Variants in ANXA3 observed in about 807,000 individuals in gnomAD.
ANXA3 encodes annexin A3, also known as 35-alpha calcimedin.
Under a neutral mutation model 48.8 loss-of-function variants are expected in ANXA3, and 46 were observed. The ratio of observed to expected loss-of-function variants is 0.94; its 90% CI spans 0.74 to 1.21. ANXA3 has a LOEUF of 1.21. Ranked by LOEUF, ANXA3 falls within the 50% of genes most tolerant of loss-of-function variation. The pLI is 0.00. For synonymous variants in ANXA3, 128 were observed against 134.7 expected, an observed-to-expected ratio of 0.95 and a Z score of 0.35; for missense variants, 383 against 378.6, an observed-to-expected ratio of 1.01 and a Z score of -0.10.
At chr4:78,597,549 T>A in intron 10 of ANXA3, 135 bp downstream of exon 10, 1 of 588,724 alleles carries the variant, frequency 1.7e-6, no homozygotes, top group Non-Finnish European at 3.0e-6. Context: ...TGGTCCAGGA[T>A]ACACACAGTA....
At chr4:78,598,373 A>T (rs1206811599) in intron 10 of ANXA3, among the ~76,000 whole-genome samples, 1 of 149,818 alleles carries the variant, frequency 6.7e-6, no homozygotes, top group East Asian at 2.0e-4. Flanking sequence ...CTCATTGTTG[A>T]CTCTGAATTG....
At chr4:78,601,806 A>G (rs2109949281) in intron 11 of ANXA3, 1 of 378,814 alleles carries the variant, frequency 2.6e-6, no homozygotes, top group East Asian at 4.2e-5. Flanking sequence ...AAGTAGGTAT[A>G]ATTTGATTTC....
chr4:78,554,113 A>T (rs1722458905), intron 1 of ANXA3: 1 of 193,300 alleles, frequency 5.2e-6, no homozygotes. Context: ...GTCAGTAATC[A>T]GCAGAGTTCT....
chr4:78,589,922 A>G lies in ANXA3; in HGVS notation c.404-1622A>G, dbSNP rs114643484. 7.1e-3 allele frequency among the ~76,000 whole-genome samples: 1,084 copies of G among 152,338 alleles called. 16 individuals carry two copies. The highest frequency in any genetic ancestry group is 0.025 in the African/African-American group (1,037 of 41,586). ...TGTGTGAGAGAGAGAACACTGAAACAGGGATCAGGGACTCAAAGTTCTAGT... is the reference window on the plus strand; with the variant it reads ...TGTGTGAGAGAGAGAACACTGAAACGGGGATCAGGGACTCAAAGTTCTAGT... On this transcript the variant is annotated intron_variant, in intron 6 of 12. Coordinates refer to ENST00000264908, the MANE Select transcript of ANXA3 (RefSeq NM_005139.3).
chr4:78,586,207 T>G (rs1002378575), intron 5 of ANXA3, 53 bp from the exon 6 acceptor site: 2,748 of 1,388,912 alleles, frequency 2.0e-3, no homozygotes, highest in Non-Finnish European at 2.5e-3. Context: ...CCAAAAGGCA[T>G]GAGATTAAGT....
At chr4:78,575,297 A>G (rs1423812201) in intron 3 of ANXA3, among the ~76,000 whole-genome samples, 8 of 151,784 alleles carry the variant, frequency 5.3e-5, no homozygotes. Context: ...AATATTTCCT[A>G]TAAGTTTATG....
intron 5 of ANXA3, among the ~76,000 whole-genome samples, chr4:78,582,866 C>T (rs1258746177): frequency 6.6e-6 from 1 of 152,162 alleles, no homozygotes; most frequent in Non-Finnish European, 1.5e-5. Flanking sequence ...GATTATGCTA[C>T]TTACCTGCAT....
chr4:78,583,287 A>G (rs551366594), intron 5 of ANXA3, among the ~76,000 whole-genome samples: 332 of 152,144 alleles, frequency 2.2e-3, no homozygotes, highest in African/African-American at 7.9e-3. Flanking sequence ...GGCTGCAGTG[A>G]GCTGTGATTG....
At chr4:78,595,773 A>G in intron 8 of ANXA3, 21 bp from the exon 9 acceptor site, 2 of 1,477,302 alleles carry the variant, frequency 1.4e-6, no homozygotes, top group South Asian at 1.2e-5. Flanking sequence ...TGTGTCTCTA[A>G]TATCATTCTC....
rs191355673 is a variant in ANXA3 at position 78,595,727 on chromosome 4, G to A, written c.541-67G>A. ...GCACTGACCTCTGAAATACAACTCCGATTCTTCTCATGTCACCTCTCAAAA... is the reference window on the plus strand; with the variant it reads ...GCACTGACCTCTGAAATACAACTCCAATTCTTCTCATGTCACCTCTCAAAA... On this transcript the variant is annotated intron_variant, in intron 8 of 12. Transcript: ENST00000264908. 1.6e-4 allele frequency: 160 copies of A among 1,001,226 alleles called. No homozygotes were observed. In the African/African-American group the frequency reaches 1.8e-3, roughly 11 times the overall value. 62.0% of individuals were successfully genotyped at this position (1,001,226 alleles called of 1,614,324 possible). A position where few individuals can be genotyped will look rare whatever the true frequency, so the allele number is the denominator to read the frequency against.
intron 3 of ANXA3, 137 bp downstream of exon 3, chr4:78,573,404 G>A (rs1026438130): frequency 4.7e-6 from 3 of 643,638 alleles, no homozygotes; most frequent in Admixed American, 2.8e-5. Context: ...GAAATAACGA[G>A]GAAATATATA....
intron 3 of ANXA3, among the ~76,000 whole-genome samples, chr4:78,576,862 T>A (rs1017204947): frequency 6.6e-6 from 1 of 152,158 alleles, no homozygotes; most frequent in African/African-American, 2.4e-5. Flanking sequence ...TTTTTGATCT[T>A]GGGCATGTTT....
chr4:78,594,548 G>A (rs941951554), intron 7 of ANXA3, among the ~76,000 whole-genome samples: 4 of 152,204 alleles, frequency 2.6e-5, no homozygotes, highest in African/African-American at 9.7e-5. Context: ...CCAGTATTTG[G>A]TGTTGTCAGT....
At chr4:78,582,940 A>G (rs1437092759) in intron 5 of ANXA3, among the ~76,000 whole-genome samples, 1 of 152,220 alleles carries the variant, frequency 6.6e-6, no homozygotes, top group Admixed American at 6.5e-5. Context: ...ATCACCCAAC[A>G]TAGTGCAGCT....
At chr4:78,555,120 G>A (rs952662934) in intron 2 of ANXA3, among the ~76,000 whole-genome samples, 11 of 152,144 alleles carry the variant, frequency 7.2e-5, no homozygotes, top group Non-Finnish European at 1.2e-4. Context: ...CAGGAGAATC[G>A]CCTGAACCTG....
At chr4:78,601,085 G>A (rs181748892) in intron 10 of ANXA3, among the ~76,000 whole-genome samples, 27 of 152,178 alleles carry the variant, frequency 1.8e-4, no homozygotes, top group Admixed American at 4.6e-4. Context: ...GTGCCCCTGC[G>A]TGCCTAATGA....
In ANXA3 at chr4:78,561,965, A is replaced by G. The variant is rs557263422; in HGVS notation, c.15+7477A>G. ...GTGAGAACAGAGAGGCTTCCTAGGA[A>G]TGAGTGGAATGAACACTAAAAAGCT... On this transcript the variant is annotated intron_variant, in intron 2 of 12. Transcript: ENST00000264908. Among the ~76,000 whole-genome samples, 4 of 152,316 alleles carry G rather than the reference A, an allele frequency of 2.6e-5. No homozygotes were observed. The East Asian group carries it at 7.7e-4, about 29-fold the overall frequency.
At chr4:78,602,539 A>G (rs896266793) in intron 11 of ANXA3, 3 of 152,128 alleles carry the variant, frequency 2.0e-5, no homozygotes, top group African/African-American at 7.2e-5. Context: ...AAAATAAACC[A>G]AGCTGAGTTG....
At position 78,610,396 on chromosome 4, in the gene ANXA3, C is replaced by T. The variant is rs1296105756; in HGVS notation, c.*281C>T. The T allele has an allele frequency of 1.5e-5, 4 of 261,824 alleles. No individual in the cohort carries two copies. The highest frequency in any genetic ancestry group is 1.4e-4 in the South Asian group (1 of 7,074). 16.2% of individuals were successfully genotyped at this position (261,824 alleles called of 1,614,324 possible). A position where few individuals can be genotyped will look rare whatever the true frequency, so the allele number is the denominator to read the frequency against. Reference sequence around the variant, plus strand: ...TTCAAAGTTAAGAATCTTTATAGTTCTACTCCATTAAATATAAAGCAAGAT... The same window carrying T: ...TTCAAAGTTAAGAATCTTTATAGTTTTACTCCATTAAATATAAAGCAAGAT... On this transcript the variant is annotated 3_prime_UTR_variant, in exon 13 of 13. Coordinates refer to ENST00000264908, the MANE Select transcript of ANXA3 (RefSeq NM_005139.3).
Sources: gnomAD v4.1 joint callset for allele counts (sites outside exome capture counted in the v4.1 genomes callset) on GRCh38, gnomAD v4.1.1 for gene constraint, MANE v1.5 for transcripts, NCBI Gene and HGNC (gene_info 2026-07-23, HGNC 2026-07-21) for gene names.